The following COQ5 variants were observed in gnomAD, a reference collection of about 807,000 sequenced individuals.
The protein encoded by COQ5 is coenzyme Q5, methyltransferase, also known as 2-methoxy-6-polyprenyl-1,4-benzoquinol methylase, mitochondrial.
A neutral mutation model predicts 40.5 loss-of-function variants in COQ5; 27 were observed. The ratio of observed to expected loss-of-function variants is 0.67; its 90% CI spans 0.49 to 0.92. The LOEUF is 0.92. COQ5 is among the 40% of genes least tolerant of loss of function. The probability of loss-of-function intolerance (pLI) is 0.00; values close to 1 mark genes in which losing one functional copy is unlikely to be tolerated. For synonymous variants in COQ5, 141 were observed against 150.0 expected (o/e 0.94, Z 0.44); for missense variants, 409 against 406.4 (o/e 1.01, Z -0.06).
chr12:120,503,955 A>G lies in COQ5; in HGVS notation c.882+15T>C, dbSNP rs760259060. The G allele has an allele frequency of 1.2e-6, 2 of 1,601,168 alleles. No homozygotes were observed. Among genetic ancestry groups the G allele is most frequent in the African/African-American group, 1.3e-5 (1 of 74,656 alleles). ...CACTGTAGGGCCTTTGTTTAAAGCTATAGAAGTTTCATACCTGAGACGGAA... is the reference window on the plus strand; with the variant it reads ...CACTGTAGGGCCTTTGTTTAAAGCTGTAGAAGTTTCATACCTGAGACGGAA... On this transcript the variant is annotated intron_variant, in intron 6 of 6. Coordinates refer to ENST00000288532, the MANE Select transcript of COQ5 (RefSeq NM_032314.4).
intron 1 of COQ5, among the ~76,000 whole-genome samples, chr12:120,525,953 A>T (rs1007471705): frequency 6.6e-6 from 1 of 152,110 alleles, no homozygotes; most frequent in African/African-American, 2.4e-5. Flanking sequence ...TAAATAAATA[A>T]ATAAGCAAAT....
chr12:120,511,555 G>A (rs180738254), intron 3 of COQ5, among the ~76,000 whole-genome samples: 153 of 152,242 alleles, frequency 1.0e-3, no homozygotes, highest in African/African-American at 3.5e-3. Flanking sequence ...GGAGGCTGAG[G>A]TGGGAGGAGA....
intron 4 of COQ5, 143 bp from the exon 5 acceptor site, chr12:120,505,126 G>C: frequency 1.4e-6 from 1 of 719,572 alleles, no homozygotes; most frequent in Non-Finnish European, 2.5e-6. Context: ...TTGGGAAGCT[G>C]TAACAGCAGC....
intron 4 of COQ5, 75 bp from the exon 5 acceptor site, chr12:120,505,058 A>C (rs1868818016): frequency 2.2e-5 from 27 of 1,200,080 alleles, no homozygotes; most frequent in Non-Finnish European, 3.1e-5. Flanking sequence ...AGACAGCTTT[A>C]GCTTCTGCAG....
chr12:120,523,905 G>A, intron 1 of COQ5: 1 of 414,708 alleles, frequency 2.4e-6, no homozygotes, highest in Non-Finnish European at 4.9e-6. Flanking sequence ...AGCTACTCGG[G>A]TGGTTGGGGC....
chr12:120,504,353 G>GATTTCT (rs1214405786), intron 5 of COQ5, among the ~76,000 whole-genome samples: 7 of 149,750 alleles, frequency 4.7e-5, no homozygotes, highest in Non-Finnish European at 1.0e-4. Flanking sequence ...CCATGTATCT[G>GATTTCT]ATTTCTCAAG....
At chr12:120,510,148 T>G in intron 3 of COQ5, 25 bp from the exon 4 acceptor site, 1 of 1,555,694 alleles carries the variant, frequency 6.4e-7, no homozygotes, top group Non-Finnish European at 8.9e-7. Flanking sequence ...GAGTTCCGGG[T>G]CTCAGTGTGG....
intron 2 of COQ5, among the ~76,000 whole-genome samples, chr12:120,521,069 T>G (rs886343901): frequency 6.7e-6 from 1 of 150,136 alleles, no homozygotes; most frequent in African/African-American, 2.5e-5. Context: ...CCTGCGTTTT[T>G]TTTTTTTTTT....
At chr12:120,523,969 C>G (rs1001298206) in intron 1 of COQ5, 4 of 394,588 alleles carry the variant, frequency 1.0e-5, no homozygotes, top group African/African-American at 8.5e-5. Context: ...GAAATTGGAC[C>G]ACTGCATTCC....
At chr12:120,522,187 A>C (rs994548684) in intron 2 of COQ5, 27 bp downstream of exon 2, 2 of 1,613,564 alleles carry the variant, frequency 1.2e-6, no homozygotes, top group Non-Finnish European at 1.7e-6. Flanking sequence ...GCTCAATGGT[A>C]GTGAAGGATA....
intron 1 of COQ5, among the ~76,000 whole-genome samples, chr12:120,525,210 C>T (rs1289983140): frequency 6.6e-6 from 1 of 152,148 alleles, no homozygotes; most frequent in Non-Finnish European, 1.5e-5. Flanking sequence ...AGTGATTCTC[C>T]TGCCTCAGCC....
In COQ5 at chr12:120,503,476, C is replaced by G; in HGVS notation, c.*308G>C. ...CCAGCAGAGAAGCTATAAATACACT[C>G]ACTTCAAAACTGAGCTTTAGGGGTG... On this transcript the variant is annotated 3_prime_UTR_variant, in exon 7 of 7. Coordinates refer to ENST00000288532, the MANE Select transcript of COQ5 (RefSeq NM_032314.4). 2.0e-6 allele frequency: 1 copy of G among 499,370 alleles called. No homozygotes were observed. The highest frequency in any genetic ancestry group is 1.9e-5 in the African/African-American group (1 of 51,942). 30.9% of individuals were successfully genotyped at this position (499,370 alleles called of 1,614,324 possible). A position where few individuals can be genotyped will look rare whatever the true frequency, so the allele number is the denominator to read the frequency against.
At chr12:120,509,724 C>T (rs1327244408) in intron 4 of COQ5, 1 of 359,292 alleles carries the variant, frequency 2.8e-6, no homozygotes, top group African/African-American at 2.1e-5. Context: ...CACTCAAGCG[C>T]CAAGCCCTTA....
At chr12:120,527,919 G>A (rs1272433322) in intron 1 of COQ5, among the ~76,000 whole-genome samples, 6 of 142,978 alleles carry the variant, frequency 4.2e-5, no homozygotes, top group African/African-American at 1.5e-4. Context: ...GCCAGGAGGC[G>A]GAGCTTGCAG....
At chr12:120,526,403 C>T (rs1593027228) in intron 1 of COQ5, 1 of 447,638 alleles carries the variant, frequency 2.2e-6, no homozygotes, top group Non-Finnish European at 4.5e-6. Context: ...ACACTGCTGC[C>T]ACTGGAGAGA....
intron 3 of COQ5, among the ~76,000 whole-genome samples, chr12:120,513,028 G>C (rs143109233): frequency 7.3e-5 from 11 of 150,594 alleles, no homozygotes; most frequent in Non-Finnish European, 1.6e-4. Flanking sequence ...TCGAACTCCT[G>C]ACCTGAGGTG....
chr12:120,518,839 G>A (rs1184401491), intron 2 of COQ5, among the ~76,000 whole-genome samples: 1 of 152,216 alleles, frequency 6.6e-6, no homozygotes, highest in East Asian at 1.9e-4. Flanking sequence ...TGGGATTACA[G>A]GCGTGAGCCA....
At chr12:120,517,264 A>G (rs1593020355) in intron 2 of COQ5, among the ~76,000 whole-genome samples, 1 of 152,164 alleles carries the variant, frequency 6.6e-6, no homozygotes, top group East Asian at 1.9e-4. Flanking sequence ...CGGCAGGAGA[A>G]TAGCTTAAAC....
At chr12:120,514,762 A>ACAG (rs1318433322) in intron 3 of COQ5, among the ~76,000 whole-genome samples, 1 of 151,544 alleles carries the variant, frequency 6.6e-6, no homozygotes, top group African/African-American at 2.4e-5. Context: ...AACAACAACA[A>ACAG]CAACAACAAC....
Sources: gnomAD v4.1 joint callset for allele counts (sites outside exome capture counted in the v4.1 genomes callset) on GRCh38, gnomAD v4.1.1 for gene constraint, MANE v1.5 for transcripts, NCBI Gene and HGNC (gene_info 2026-07-23, HGNC 2026-07-21) for gene names.